The following C9orf85 variants were observed in gnomAD, a reference collection of about 807,000 sequenced individuals.
C9orf85 encodes the protein chromosome 9 open reading frame 85, also known as uncharacterized protein C9orf85.
Under a neutral mutation model 14.9 loss-of-function variants are expected in C9orf85, and 16 were observed. The ratio of observed to expected loss-of-function variants is 1.08; its 90% CI spans 0.73 to 1.63. C9orf85 has a LOEUF of 1.63. Ranked by LOEUF, C9orf85 falls within the 40% of genes most tolerant of loss-of-function variation. C9orf85 has a pLI of 0.00. For missense variants in C9orf85, 172 were observed against 186.1 expected (o/e 0.92, Z 0.44); for synonymous variants, 45 against 56.8 (o/e 0.79, Z 0.93).
At chr9:71,915,123 CTCTTG>C (rs1265472529) in intron 1 of C9orf85, among the ~76,000 whole-genome samples, 10 of 151,950 alleles carry the variant, frequency 6.6e-5, no homozygotes, top group African/African-American at 2.4e-4. Context: ...TTAGTACTAT[CTCTTG>C]TCTTACTTTC....
At chr9:71,930,033 T>C (rs1828033160) in intron 1 of C9orf85, among the ~76,000 whole-genome samples, 1 of 151,288 alleles carries the variant, frequency 6.6e-6, no homozygotes, top group Admixed American at 6.6e-5. Context: ...AGAATTTTTA[T>C]ACAGAATTAG....
chr9:71,939,335 T>A (rs1052108074), intron 1 of C9orf85, among the ~76,000 whole-genome samples: 2 of 151,796 alleles, frequency 1.3e-5, no homozygotes, highest in African/African-American at 4.8e-5. Flanking sequence ...ACCAAAGACA[T>A]TGGAAAAAAA....
At chr9:71,929,606 TA>T (rs2132271852) in intron 1 of C9orf85, among the ~76,000 whole-genome samples, 1 of 152,274 alleles carries the variant, frequency 6.6e-6, no homozygotes, top group Admixed American at 6.5e-5. Flanking sequence ...TTTTGTTCTC[TA>T]AATGAACTTT....
downstream of C9orf85, among the ~76,000 whole-genome samples, chr9:71,973,913 A>G (rs928903234): frequency 2.7e-5 from 3 of 112,668 alleles, no homozygotes; most frequent in Non-Finnish European, 5.8e-5. Context: ...TTATTTCTTT[A>G]ATTTTATTTA....
intron 1 of C9orf85, among the ~76,000 whole-genome samples, chr9:71,912,122 A>G (rs1226720092): frequency 6.6e-6 from 1 of 152,192 alleles, no homozygotes; most frequent in Non-Finnish European, 1.5e-5. Context: ...TACGTCGTTC[A>G]GCGTTCCCAT....
chr9:71,918,547 G>A, intron 1 of C9orf85: 2 of 700,254 alleles, frequency 2.9e-6, no homozygotes, highest in Non-Finnish European at 2.2e-6. Flanking sequence ...AGCAGGAGTT[G>A]AACTGCAGGT....
chr9:71,945,370 G>A (rs750753425), intron 1 of C9orf85, among the ~76,000 whole-genome samples: 10 of 152,192 alleles, frequency 6.6e-5, no homozygotes, highest in Non-Finnish European at 7.3e-5. Flanking sequence ...ACAGTTAGGG[G>A]CCTAGAGTAA....
At position 71,961,280 on chromosome 9, in the gene C9orf85, G is replaced by A. The variant is rs534047752; in HGVS notation, c.210-10225G>A. Among the ~76,000 whole-genome samples, 5 of 152,030 alleles carry A rather than the reference G, an allele frequency of 3.3e-5. No homozygotes were observed. In the South Asian group the frequency reaches 8.3e-4, roughly 25 times the overall value. Reference sequence around the variant, plus strand: ...AGTGATTTGAAAATTGGGTCACCACGGCCAGGCGCAGTGGCTCACACCTGT... The same window carrying A: ...AGTGATTTGAAAATTGGGTCACCACAGCCAGGCGCAGTGGCTCACACCTGT... On this transcript the variant is annotated intron_variant, in intron 2 of 3. Transcript: ENST00000334731.
chr9:71,950,195 C>G (rs1239555294), intron 2 of C9orf85, among the ~76,000 whole-genome samples: 1 of 152,162 alleles, frequency 6.6e-6, no homozygotes, highest in African/African-American at 2.4e-5. Context: ...TATTCATTCA[C>G]TTCACTTTCT....
intron 2 of C9orf85, among the ~76,000 whole-genome samples, chr9:71,969,091 A>G (rs1189924156): frequency 6.6e-6 from 1 of 152,194 alleles, no homozygotes; most frequent in East Asian, 1.9e-4. Flanking sequence ...AGAGATGAAG[A>G]GAACAAGGAA....
chr9:71,985,534 A>G (rs1384691100), downstream of C9orf85: 28 of 152,236 alleles, frequency 1.8e-4, 1 homozygote, highest in Admixed American at 1.8e-3. Flanking sequence ...TGTGTTTGAA[A>G]CGCGATTCTG....
At position 71,968,765 on chromosome 9, in the gene C9orf85, G is replaced by A. The variant is rs1472833349; in HGVS notation, c.210-2740G>A. Among the ~76,000 whole-genome samples the A allele has an allele frequency of 2.0e-5, 3 of 152,192 alleles. No individual in the cohort carries two copies. In the East Asian group the frequency reaches 5.8e-4, roughly 29 times the overall value. Reference sequence around the variant, plus strand: ...ATGGAGCAATGGCAAGAGTACACCTGAACAAAGGAGGGGAAGGGGTTCTTA... The same window carrying A: ...ATGGAGCAATGGCAAGAGTACACCTAAACAAAGGAGGGGAAGGGGTTCTTA... On this transcript the variant is annotated intron_variant, in intron 2 of 3. Transcript: ENST00000334731.
At chr9:71,920,654 T>C (rs989410627) in intron 1 of C9orf85, among the ~76,000 whole-genome samples, 12 of 152,214 alleles carry the variant, frequency 7.9e-5, no homozygotes, top group African/African-American at 2.9e-4. Context: ...GAATCCTGCA[T>C]GTCCTCAGAA....
At chr9:71,970,515 A>G (rs984648884) in intron 2 of C9orf85, among the ~76,000 whole-genome samples, 1 of 152,048 alleles carries the variant, frequency 6.6e-6, no homozygotes, top group African/African-American at 2.4e-5. Flanking sequence ...ATATATTTCC[A>G]CTATTTTGCC....
At chr9:71,937,962 T>A (rs1828231947) in intron 1 of C9orf85, among the ~76,000 whole-genome samples, 1 of 152,182 alleles carries the variant, frequency 6.6e-6, no homozygotes, top group Non-Finnish European at 1.5e-5. Flanking sequence ...GTAATAACTT[T>A]GATTTTATAT....
chr9:71,965,666 C>T (rs1220582527), intron 2 of C9orf85, among the ~76,000 whole-genome samples: 1 of 152,146 alleles, frequency 6.6e-6, no homozygotes, highest in African/African-American at 2.4e-5. Flanking sequence ...CTCCTGGGCT[C>T]AGGCAATTCT....
At chr9:71,926,468 T>C (rs559217666) in intron 1 of C9orf85, among the ~76,000 whole-genome samples, 8 of 151,954 alleles carry the variant, frequency 5.3e-5, no homozygotes, top group Admixed American at 3.9e-4. Context: ...TTTAGGAAAA[T>C]AGAAACCATG....
At chr9:71,922,595 C>T (rs979118760) in intron 1 of C9orf85, among the ~76,000 whole-genome samples, 2 of 152,130 alleles carry the variant, frequency 1.3e-5, no homozygotes, top group Non-Finnish European at 1.5e-5. Context: ...TGTAGCTCCT[C>T]GGAAATACAT....
At chr9:71,939,190 T>C (rs1828270867) in intron 1 of C9orf85, among the ~76,000 whole-genome samples, 2 of 151,830 alleles carry the variant, frequency 1.3e-5, no homozygotes, top group South Asian at 4.1e-4. Context: ...AAAAATAATA[T>C]ATATATACAA....
Sources: allele counts gnomAD v4.1 joint callset (sites outside exome capture counted in the v4.1 genomes callset), GRCh38; gene constraint gnomAD v4.1.1; transcripts MANE v1.5; gene names NCBI Gene and HGNC (gene_info 2026-07-23, HGNC 2026-07-21).